Variants in THADA observed in about 807,000 individuals in gnomAD.
THADA encodes the protein tRNA (32-2'-O)-methyltransferase regulator THADA.
THADA carries 213 observed loss-of-function variants against 219.8 expected under a neutral mutation model. That is an observed-to-expected ratio of 0.97 (90% CI 0.87 to 1.09). The LOEUF is 1.09. Ranked by LOEUF, THADA falls within the 50% of genes least tolerant of loss-of-function variation. THADA has a pLI of 0.00. For synonymous variants in THADA, 1,018 were observed against 828.9 expected (o/e 1.23, Z -3.92); for missense variants, 2,956 against 2,311.3 (o/e 1.28, Z -5.72).
chr2:43,501,354 G>A (rs1020899346), intron 24 of THADA, among the ~76,000 whole-genome samples: 17 of 137,848 alleles, frequency 1.2e-4, no homozygotes, highest in Admixed American at 1.2e-3. Context: ...GACTTTTATG[G>A]GAATTAGTTT....
chr2:43,464,506 T>G (rs1684008396), intron 26 of THADA, among the ~76,000 whole-genome samples: 1 of 152,202 alleles, frequency 6.6e-6, no homozygotes, highest in Non-Finnish European at 1.5e-5. Flanking sequence ...GGGCCTGGGT[T>G]TTTTTCCATG....
chr2:43,538,415 A>C (rs947999696), intron 21 of THADA: 1 of 152,194 alleles, frequency 6.6e-6, no homozygotes, highest in Non-Finnish European at 1.5e-5. Flanking sequence ...GTGAAGGAGG[A>C]AAGTCAGACA....
intron 31 of THADA, among the ~76,000 whole-genome samples, chr2:43,306,167 T>C (rs1463926938): frequency 3.9e-5 from 6 of 152,040 alleles, no homozygotes; most frequent in Admixed American, 1.3e-4. Context: ...CGAGCCCCCA[T>C]GCCTGGCTAA....
At chr2:43,531,194 G>C (rs1219948733) in intron 21 of THADA, among the ~76,000 whole-genome samples, 2 of 152,192 alleles carry the variant, frequency 1.3e-5, no homozygotes, top group East Asian at 1.9e-4. Flanking sequence ...AAAAATGAAA[G>C]ATCCTTTTGC....
chr2:43,527,824 T>C (rs1693352468), intron 22 of THADA, 55 bp downstream of exon 22: 2 of 1,247,324 alleles, frequency 1.6e-6, no homozygotes, highest in Non-Finnish European at 2.3e-6. Flanking sequence ...ACTCCAAGCA[T>C]ATGCTTTGTA....
Position 43,292,828 on chromosome 2 carries a change from CTT to C in THADA, c.4818+4_4818+5del. 6.2e-7 allele frequency: 1 copy of C among 1,609,896 alleles called. No individual in the cohort carries two copies. The highest frequency in any genetic ancestry group is 1.7e-5 in the Admixed American group (1 of 60,002). On this transcript the variant is annotated splice_donor_5th_base_variant and intron_variant, in intron 32 of 37. Transcript: ENST00000405975. Reference sequence around the variant, plus strand: ...AAAGGGCCAGTCAGTACGTTGGAGACTTTACCTTGCAGAAGCATTCTGGGTGA... The same window carrying C: ...AAAGGGCCAGTCAGTACGTTGGAGACTACCTTGCAGAAGCATTCTGGGTGA...
intron 28 of THADA, among the ~76,000 whole-genome samples, chr2:43,400,860 G>T (rs1205118036): frequency 6.6e-6 from 1 of 152,156 alleles, no homozygotes; most frequent in African/African-American, 2.4e-5. Flanking sequence ...TTAAGACCAT[G>T]TGGTGAATTC....
chr2:43,501,501 C>CTTTT (rs1383678482), intron 24 of THADA, among the ~76,000 whole-genome samples: 1 of 151,826 alleles, frequency 6.6e-6, no homozygotes, highest in East Asian at 1.9e-4. Flanking sequence ...TCCAAAAGGG[C>CTTTT]TTTTTATTGA....
rs776800885 is a variant in THADA at position 43,577,132 on chromosome 2, G to T, written c.927C>A (p.Phe309Leu). 5 of 1,612,354 alleles carry T rather than the reference G, an allele frequency of 3.1e-6. No homozygotes were observed. The highest frequency in any genetic ancestry group is 1.7e-5 in the Admixed American group (1 of 59,786). Reference protein sequence around the residue: ...CGDISQSAVLFLCQGTLAMLD... With the variant: ...CGDISQSAVLLLCQGTLAMLD... Reference sequence around the variant, plus strand: ...ACATGGCAAGTGTCCCCTGACAGAGGAATAAGACAGCTGACTGAGAGATGT... The same window carrying T: ...ACATGGCAAGTGTCCCCTGACAGAGTAATAAGACAGCTGACTGAGAGATGT... Residue 309 changes from phenylalanine (F) to leucine (L), a missense_variant, in exon 10 of 38, where the codon TTC becomes TTA. Phe to Leu is a conservative substitution (Grantham distance 22). Coordinates refer to ENST00000405975, the MANE Select transcript of THADA (RefSeq NM_022065.5).
chr2:43,240,260 G>A (rs1668480911), intron 36 of THADA, among the ~76,000 whole-genome samples: 2 of 152,160 alleles, frequency 1.3e-5, no homozygotes, highest in Non-Finnish European at 2.9e-5. Flanking sequence ...AGGCTGGGGT[G>A]GCCTGGGCAG....
chr2:43,447,435 T>C (rs1573695396), intron 26 of THADA, among the ~76,000 whole-genome samples: 1 of 152,136 alleles, frequency 6.6e-6, no homozygotes, highest in Non-Finnish European at 1.5e-5. Context: ...AAGATAATCA[T>C]CACCCCAACT....
At position 43,592,348 on chromosome 2, in the gene THADA, G is replaced by T. The variant is rs180739603; in HGVS notation, c.45C>A (p.Thr15=). ...AAGTTTCAAGGTCCTGATGGCAAATGGTCAGCGCAGCAACTTGCATTTCTT... is the reference window on the plus strand; with the variant it reads ...AAGTTTCAAGGTCCTGATGGCAAATTGTCAGCGCAGCAACTTGCATTTCTT... ...KKKEMQVAAL[T]ICHQDLETLK... The change falls in exon 2 of 38, where the codon ACC becomes ACA. Residue 15 remains threonine, a synonymous_variant. Transcript: ENST00000405975. The T allele has an allele frequency of 2.5e-6, 4 of 1,608,548 alleles. No individual in the cohort carries two copies. The highest frequency in any genetic ancestry group is 1.1e-5 in the South Asian group (1 of 89,550).
intron 28 of THADA, among the ~76,000 whole-genome samples, chr2:43,412,704 A>C (rs112551289): frequency 1.2e-3 from 184 of 152,324 alleles, no homozygotes; most frequent in Middle Eastern, 0.01. Context: ...CACACCTTCC[A>C]CACCAGACTG....
chr2:43,594,686 A>C (rs765291268), intron 1 of THADA, among the ~76,000 whole-genome samples: 2 of 152,044 alleles, frequency 1.3e-5, no homozygotes, highest in Non-Finnish European at 2.9e-5. Flanking sequence ...ATCTCAAACC[A>C]ATCTCCTCTT....
intron 28 of THADA, among the ~76,000 whole-genome samples, chr2:43,421,102 G>A (rs1459717713): frequency 2.0e-5 from 3 of 152,192 alleles, no homozygotes; most frequent in African/African-American, 4.8e-5. Context: ...AATACCCCAT[G>A]GAAGATAACA....
rs779807334 is a variant in THADA at position 43,508,770 on chromosome 2, C to T, written c.3385G>A (p.Val1129Met). Residue 1129 changes from valine to methionine, a missense_variant, in exon 23 of 38, where the codon GTG (valine) becomes ATG (methionine). Physicochemically the swap from Val to Met is conservative, Grantham distance 21 (BLOSUM62 1). Transcript: ENST00000405975. ...LTEVLNRCPN[V>M]SLQKLPEQWL... ...TGTTCTGGCAGCTTTTGCAGACTCACATTTGGGCACCTAAAAGGCATATAT... is the reference window on the plus strand; with the variant it reads ...TGTTCTGGCAGCTTTTGCAGACTCATATTTGGGCACCTAAAAGGCATATAT... 4.3e-6 allele frequency: 7 copies of T among 1,613,156 alleles called. No homozygotes were observed. Among genetic ancestry groups the T allele is most frequent in the Admixed American group, 3.3e-5 (2 of 59,898 alleles).
intron 31 of THADA, among the ~76,000 whole-genome samples, chr2:43,315,251 G>C (rs1169904811): frequency 6.6e-6 from 1 of 152,106 alleles, no homozygotes; most frequent in Non-Finnish European, 1.5e-5. Flanking sequence ...ACAGAATTAT[G>C]TTTCATAAAA....
chr2:43,389,895 T>C (rs1673143652), intron 29 of THADA, among the ~76,000 whole-genome samples: 1 of 152,318 alleles, frequency 6.6e-6, no homozygotes, highest in Middle Eastern at 3.4e-3. Flanking sequence ...CGTATTTCTG[T>C]GTAATTGTCT....
At chr2:43,246,448 T>C (rs1297056034) in intron 36 of THADA, among the ~76,000 whole-genome samples, 1 of 152,056 alleles carries the variant, frequency 6.6e-6, no homozygotes, top group Non-Finnish European at 1.5e-5. Flanking sequence ...AGAGCTTAGA[T>C]TGCGCCACTG....
Sources: allele counts gnomAD v4.1 joint callset (sites outside exome capture counted in the v4.1 genomes callset), GRCh38; gene constraint gnomAD v4.1.1; transcripts MANE v1.5; gene names NCBI Gene and HGNC (gene_info 2026-07-23, HGNC 2026-07-21).